Variants in ADARB2 observed in about 807,000 individuals in gnomAD.
The protein encoded by ADARB2 is adenosine deaminase RNA specific B2 (inactive), also known as inactive double-stranded RNA-specific editase B2.
In ADARB2, 25 loss-of-function variants were observed where a neutral mutation model predicts 62.2. That is an observed-to-expected ratio of 0.40 (90% CI 0.29 to 0.56). ADARB2 has a LOEUF of 0.56. Ranked by LOEUF, ADARB2 falls within the 20% of genes least tolerant of loss-of-function variation. The probability of loss-of-function intolerance (pLI) is 0.43; values close to 1 mark genes in which losing one functional copy is unlikely to be tolerated. For missense variants in ADARB2, 1,071 were observed against 1,077.4 expected (o/e 0.99, Z 0.08); for synonymous variants, 572 against 500.8 (o/e 1.14, Z -1.90).
At chr10:1,582,204 T>C (rs1029604731) in intron 1 of ADARB2, among the ~76,000 whole-genome samples, 1 of 151,764 alleles carries the variant, frequency 6.6e-6, no homozygotes, top group African/African-American at 2.4e-5. Flanking sequence ...CAGGAAACCA[T>C]TTGGAGTTGG....
At chr10:1,290,237 G>A (rs1200156533) in intron 3 of ADARB2, 1 of 152,142 alleles carries the variant, frequency 6.6e-6, no homozygotes, top group African/African-American at 2.4e-5. Context: ...TCCTCTGCAT[G>A]TTGTTGTTTA....
At chr10:1,291,427 C>A (rs910237126) in intron 3 of ADARB2, 1 of 152,260 alleles carries the variant, frequency 6.6e-6, no homozygotes, top group African/African-American at 2.4e-5. Context: ...CCCAGAGGAG[C>A]GGGGTCGGAG....
At chr10:1,727,501 C>T (rs1315167909) in intron 1 of ADARB2, among the ~76,000 whole-genome samples, 4 of 152,122 alleles carry the variant, frequency 2.6e-5, no homozygotes, top group African/African-American at 7.2e-5. Context: ...ATTACAAAAA[C>T]GCAATCAGTT....
At chr10:1,693,101 C>G (rs1261278551) in intron 1 of ADARB2, among the ~76,000 whole-genome samples, 2 of 152,218 alleles carry the variant, frequency 1.3e-5, no homozygotes, top group African/African-American at 2.4e-5. Context: ...CACCCGTGAG[C>G]CAACTCCCTC....
intron 1 of ADARB2, among the ~76,000 whole-genome samples, chr10:1,732,947 T>TAAAAGTCTATAAAA (rs1835252438): frequency 1.3e-5 from 2 of 152,266 alleles, no homozygotes; most frequent in African/African-American, 4.8e-5. Context: ...CCATGAGTCA[T>TAAAAGTCTATAAAA]GGCTTTACTT....
chr10:1,338,946 C>G (rs749514893), intron 3 of ADARB2, among the ~76,000 whole-genome samples: 13 of 152,232 alleles, frequency 8.5e-5, no homozygotes, highest in Non-Finnish European at 1.5e-4. Flanking sequence ...CTTCCCAACT[C>G]TTCTCCACAT....
intron 1 of ADARB2, among the ~76,000 whole-genome samples, chr10:1,598,195 G>A (rs1833357638): frequency 6.6e-6 from 1 of 152,092 alleles, no homozygotes; most frequent in African/African-American, 2.4e-5. Flanking sequence ...GGTGGTGGGT[G>A]CACCGAGACA....
chr10:1,665,011 G>A (rs1834297570), intron 1 of ADARB2, among the ~76,000 whole-genome samples: 1 of 152,170 alleles, frequency 6.6e-6, no homozygotes, highest in African/African-American at 2.4e-5. Context: ...TTCAAGGTGA[G>A]TCATGCCGAC....
chr10:1,478,044 C>T (rs997079402), intron 1 of ADARB2, among the ~76,000 whole-genome samples: 17 of 152,206 alleles, frequency 1.1e-4, no homozygotes, highest in Non-Finnish European at 1.9e-4. Flanking sequence ...CAAACCTCCC[C>T]GAGCCTTTAC....
At chr10:1,296,910 G>A (rs1589182976) in intron 3 of ADARB2, among the ~76,000 whole-genome samples, 2 of 152,176 alleles carry the variant, frequency 1.3e-5, no homozygotes, top group African/African-American at 2.4e-5. Flanking sequence ...GATGCTCGGT[G>A]CTGTCCTGCC....
At chr10:1,429,709 G>C (rs577206109) in intron 1 of ADARB2, among the ~76,000 whole-genome samples, 1 of 152,182 alleles carries the variant, frequency 6.6e-6, no homozygotes, top group Non-Finnish European at 1.5e-5. Flanking sequence ...GGGCTGGTCT[G>C]CACCATACTT....
chr10:1,214,245 C>CCTT, intron 7 of ADARB2, among the ~76,000 whole-genome samples: 1 of 149,600 alleles, frequency 6.7e-6, no homozygotes, highest in African/African-American at 2.5e-5. Flanking sequence ...TGTGCCTGGA[C>CCTT]CTGCCAGCGT....
At chr10:1,554,042 G>C (rs1196154088) in intron 1 of ADARB2, among the ~76,000 whole-genome samples, 1 of 152,216 alleles carries the variant, frequency 6.6e-6, no homozygotes, top group East Asian at 1.9e-4. Flanking sequence ...TCCTCTCAGG[G>C]GGCCTGGGTC....
chr10:1,726,125 T>C (rs143784413), intron 1 of ADARB2, among the ~76,000 whole-genome samples: 1 of 152,200 alleles, frequency 6.6e-6, no homozygotes, highest in African/African-American at 2.4e-5. Flanking sequence ...GCAGCCAATA[T>C]TCCTGTGGCC....
At chr10:1,647,553 GTA>G (rs769330312) in intron 1 of ADARB2, among the ~76,000 whole-genome samples, 7 of 151,870 alleles carry the variant, frequency 4.6e-5, no homozygotes, top group Admixed American at 3.9e-4. Context: ...GTATACATGT[GTA>G]TATATATATC....
intron 1 of ADARB2, among the ~76,000 whole-genome samples, chr10:1,381,816 T>C (rs899036766): frequency 4.6e-5 from 7 of 152,236 alleles, no homozygotes; most frequent in African/African-American, 9.6e-5. Flanking sequence ...GAGAGCAGCA[T>C]GGTGCTGCCA....
rs1186329097 is a variant in ADARB2 at position 1,182,020 on chromosome 10, G to T, written c.*1173C>A. The T allele has an allele frequency of 2.0e-5, 3 of 152,224 alleles. No homozygotes were observed. The highest frequency in any genetic ancestry group is 7.2e-5 in the African/African-American group (3 of 41,442). 9.4% of individuals were successfully genotyped at this position (152,224 alleles called of 1,614,324 possible). ...CTGGTGTTGGAAGCCTGCTCTGAGGGTCACAGAATCCTGCCTCTTACATTT... is the reference window on the plus strand; with the variant it reads ...CTGGTGTTGGAAGCCTGCTCTGAGGTTCACAGAATCCTGCCTCTTACATTT... On this transcript the variant is annotated 3_prime_UTR_variant, in exon 10 of 10. Coordinates refer to ENST00000381312, the MANE Select transcript of ADARB2 (RefSeq NM_018702.4).
intron 1 of ADARB2, among the ~76,000 whole-genome samples, chr10:1,387,751 G>C (rs2131864278): frequency 6.6e-6 from 1 of 152,044 alleles, no homozygotes; most frequent in Non-Finnish European, 1.5e-5. Context: ...ATTATTTGAT[G>C]AGGCCAATGT....
chr10:1,481,546 T>C (rs893071636), intron 1 of ADARB2, among the ~76,000 whole-genome samples: 1 of 152,202 alleles, frequency 6.6e-6, no homozygotes, highest in African/African-American at 2.4e-5. Flanking sequence ...TTGCAAATCA[T>C]ATATTTGATG....
Sources: allele counts gnomAD v4.1 joint callset (sites outside exome capture counted in the v4.1 genomes callset), GRCh38; gene constraint gnomAD v4.1.1; transcripts MANE v1.5; gene names NCBI Gene and HGNC (gene_info 2026-07-23, HGNC 2026-07-21).